Variants in RSRC2 observed in about 807,000 individuals in gnomAD.
RSRC2 encodes the protein arginine and serine rich coiled-coil 2.
A neutral mutation model predicts 61.3 loss-of-function variants in RSRC2; 5 were observed. The observed-to-expected ratio is 0.08, with a 90% CI of 0.04 to 0.17. RSRC2 has a LOEUF of 0.17. RSRC2 is among the 10% of genes least tolerant of loss of function. RSRC2 has a pLI of 1.00. For synonymous variants in RSRC2, 202 were observed against 166.5 expected, an observed-to-expected ratio of 1.21 and a Z score of -1.64; for missense variants, 381 against 518.8, an observed-to-expected ratio of 0.73 and a Z score of 2.58.
At chr12:122,522,749 A>C (rs1220858182) in intron 1 of RSRC2, 2 of 152,618 alleles carry the variant, frequency 1.3e-5, no homozygotes, top group African/African-American at 2.4e-5. Flanking sequence ...TAAAATCTTA[A>C]AACAATGCCC....
chr12:122,521,210 TAAAC>T (rs1237349359), intron 3 of RSRC2, 171 bp downstream of exon 3: 3 of 490,436 alleles, frequency 6.1e-6, no homozygotes, highest in Non-Finnish European at 1.1e-5. Flanking sequence ...ACTTTTCACA[TAAAC>T]ATCTTCTTCA....
chr12:122,517,556 A>G lies in RSRC2; in HGVS notation c.399-126T>C, dbSNP rs1959033208. The G allele has an allele frequency of 6.2e-6, 7 of 1,121,376 alleles. No homozygotes were observed. The South Asian group carries it at 1.1e-4, about 17-fold the overall frequency. The allele number at this position is 1,121,376 out of a possible 1,614,324, so 69.5% of individuals were successfully genotyped here. ...CAAGTAACTGCACTATATTATTTACAGAAATAAGCGAGATTTTCAAAGGAA... is the reference window on the plus strand; with the variant it reads ...CAAGTAACTGCACTATATTATTTACGGAAATAAGCGAGATTTTCAAAGGAA... On this transcript the variant is annotated intron_variant, in intron 4 of 9. Coordinates refer to ENST00000331738, the MANE Select transcript of RSRC2 (RefSeq NM_023012.6).
chr12:122,517,830 T>C (rs1959051041), intron 4 of RSRC2, among the ~76,000 whole-genome samples: 2 of 152,162 alleles, frequency 1.3e-5, no homozygotes, highest in South Asian at 4.1e-4. Context: ...AAATTTGAGC[T>C]GTGATCCAGT....
intron 4 of RSRC2, among the ~76,000 whole-genome samples, chr12:122,517,922 C>T (rs1345442622): frequency 6.6e-6 from 1 of 152,124 alleles, no homozygotes; most frequent in Non-Finnish European, 1.5e-5. Flanking sequence ...ACATCACCAT[C>T]GATGATGCAA....
At chr12:122,515,818 C>T (rs903416201) in intron 5 of RSRC2, among the ~76,000 whole-genome samples, 5 of 152,174 alleles carry the variant, frequency 3.3e-5, no homozygotes, top group Middle Eastern at 3.4e-3. Flanking sequence ...GGTGAAACCC[C>T]GTCTCTACAA....
intron 8 of RSRC2, 89 bp downstream of exon 8, chr12:122,508,129 C>T (rs780949850): frequency 1.6e-5 from 20 of 1,218,298 alleles, no homozygotes; most frequent in African/African-American, 1.2e-4. Flanking sequence ...AAAGTTAAGC[C>T]GAAAGTAATA....
At chr12:122,516,078 A>G (rs1733760407) in intron 5 of RSRC2, among the ~76,000 whole-genome samples, 1 of 152,230 alleles carries the variant, frequency 6.6e-6, no homozygotes, top group Non-Finnish European at 1.5e-5. Context: ...GTAAACTACT[A>G]TAAACTAGAA....
chr12:122,509,424 C>T (rs1399388476), intron 7 of RSRC2, among the ~76,000 whole-genome samples: 2 of 149,706 alleles, frequency 1.3e-5, no homozygotes. Flanking sequence ...TACTCCAGCA[C>T]AGGCGACAGT....
At chr12:122,510,355 C>A (rs986989105) in intron 7 of RSRC2, among the ~76,000 whole-genome samples, 1 of 152,072 alleles carries the variant, frequency 6.6e-6, no homozygotes, top group South Asian at 2.1e-4. Flanking sequence ...CACGGTGAAA[C>A]CCCGTCTCTA....
Position 122,522,145 on chromosome 12 carries a change from G to A in RSRC2, c.161C>T (p.Ser54Leu), listed in dbSNP as rs971979375. 1 of 1,609,950 alleles carries A rather than the reference G, an allele frequency of 6.2e-7. No individual in the cohort carries two copies. The highest frequency in any genetic ancestry group is 8.5e-7 in the Non-Finnish European group (1 of 1,178,810). Reference sequence around the variant, plus strand: ...TAACCACCTTTAAGAATTCATACCTGACTTTCGTTTTCTTTCTCTTGACCT... The same window carrying A: ...TAACCACCTTTAAGAATTCATACCTAACTTTCGTTTTCTTTCTCTTGACCT... ...RSRSRERKRK[S>L]DNEGRKHRSR... The change falls in exon 2 of 10, where the codon TCA (serine) becomes TTA (leucine). Residue 54 changes from serine (S) to leucine (L), a missense_variant and splice_region_variant. Physicochemically the swap from Ser to Leu is moderately radical, Grantham distance 145. This residue lies in a region of RSRC2 where 266 missense variants were observed against 270.5 expected (regional missense o/e 0.98). Coordinates refer to ENST00000331738, the MANE Select transcript of RSRC2 (RefSeq NM_023012.6).
At chr12:122,508,019 G>T (rs1958240490) in intron 8 of RSRC2, 199 bp downstream of exon 8, 1 of 633,044 alleles carries the variant, frequency 1.6e-6, no homozygotes, top group African/African-American at 1.8e-5. Flanking sequence ...GGCCAGGCTG[G>T]TCTTGGACTC....
rs1958007641 is a variant in RSRC2 at position 122,504,440 on chromosome 12, CAACATGGTAAAACCCCACCTCTACTA to C, written c.*1061_*1086del. On this transcript the variant is annotated 3_prime_UTR_variant, in exon 10 of 10. Transcript: ENST00000331738. ...GTCAGGAGTTCAGGACCAGCCTGGC[CAACATGGTAAAACCCCACCTCTACTA>C]AAAATACAAAAATTAGCTGGGTGCG... 2 of 152,156 alleles carry C rather than the reference CAACATGGTAAAACCCCACCTCTACTA, an allele frequency of 1.3e-5. No individual in the cohort carries two copies. 9.4% of individuals were successfully genotyped at this position (152,156 alleles called of 1,614,324 possible). A position where few individuals can be genotyped will look rare whatever the true frequency, so the allele number is the denominator to read the frequency against.
At chr12:122,514,082 G>C (rs1958725117) in intron 6 of RSRC2, among the ~76,000 whole-genome samples, 1 of 152,008 alleles carries the variant, frequency 6.6e-6, no homozygotes, top group Non-Finnish European at 1.5e-5. Context: ...AACCTAAAAA[G>C]TCTATTTTTC....
chr12:122,521,102 G>A, intron 3 of RSRC2: 1 of 328,052 alleles, frequency 3.0e-6, no homozygotes, highest in Non-Finnish European at 5.6e-6. Context: ...ATTAATGGAA[G>A]CTCTGTGTGA....
chr12:122,519,072 CAA>C (rs1959132395), intron 3 of RSRC2, 43 bp from the exon 4 acceptor site: 2 of 1,551,556 alleles, frequency 1.3e-6, no homozygotes, highest in Admixed American at 1.7e-5. Context: ...AATAGTGCAA[CAA>C]AGAGAGTTAG....
intron 8 of RSRC2, 134 bp from the exon 9 acceptor site, chr12:122,507,057 A>C: frequency 1.5e-6 from 1 of 675,964 alleles, no homozygotes. Flanking sequence ...TAATTATTTC[A>C]AGACTTAAGA....
Position 122,508,277 on chromosome 12 carries a change from T to A in RSRC2, c.976A>T (p.Met326Leu). 1.2e-6 allele frequency: 2 copies of A among 1,614,228 alleles called. No homozygotes were observed. Among genetic ancestry groups the A allele is most frequent in the Non-Finnish European group, 8.5e-7 (1 of 1,180,040 alleles). Residue 326 changes from methionine (M) to leucine (L), a missense_variant, in exon 8 of 10, where the codon ATG (methionine) becomes TTG (leucine). Coordinates refer to ENST00000331738, the MANE Select transcript of RSRC2 (RefSeq NM_023012.6). ...TTTTTCTCTTGTTCAGCAAATTTCA[T>A]TGGATTAACAGCGGCTGGGTTATAG... ...SYYNPAAVNPMKFAEQEKKRK... is the reference protein window; with the variant it reads ...SYYNPAAVNPLKFAEQEKKRK...
Position 122,525,972 on chromosome 12 carries a change from C to A in RSRC2, c.6+876G>T, listed in dbSNP as rs1312756530. ...AAGTAGCTGGGACTACAGGCGTCCG[C>A]CACTACGCCCGGCTAATTTTTTTGT... On this transcript the variant is annotated intron_variant, in intron 1 of 9. Transcript: ENST00000331738. Among the ~76,000 whole-genome samples, 9 of 53,438 alleles carry A rather than the reference C, an allele frequency of 1.7e-4. 3 individuals carry two copies. The highest frequency in any genetic ancestry group is 3.3e-5 in the Non-Finnish European group (1 of 30,328). 35.1% of individuals were successfully genotyped at this position (53,438 alleles called of 152,430 possible). A position where few individuals can be genotyped will look rare whatever the true frequency, so the allele number is the denominator to read the frequency against.
chr12:122,505,591 G>T lies in RSRC2; in HGVS notation c.1241C>A (p.Thr414Asn). 1 of 1,614,064 alleles carries T rather than the reference G, an allele frequency of 6.2e-7. No homozygotes were observed. Among genetic ancestry groups the T allele is most frequent in the Non-Finnish European group, 8.5e-7 (1 of 1,179,996 alleles). The change falls in exon 10 of 10, where the codon ACC becomes AAC. Residue 414 changes from threonine (T) to asparagine (N), a missense_variant. By Grantham distance (65) the Thr-to-Asn change is moderately conservative. This residue lies in a region of RSRC2 where 78 missense variants were observed against 183.0 expected (regional missense o/e 0.43). Transcript: ENST00000331738. ...DAQYEMARSQ[T>N]HTQRGMGLGF... ...CAAACCCATTCCTCTTTGTGTGTGG[G>T]TTTGTGATCTTGCCATTTCATACTG... is the stretch of plus-strand genomic sequence containing the variant.
Sources: gnomAD v4.1 joint callset for allele counts (sites outside exome capture counted in the v4.1 genomes callset) on GRCh38, gnomAD v4.1.1 for gene constraint, gnomAD v4.1.1 regional missense constraint, MANE v1.5 for transcripts, NCBI Gene and HGNC (gene_info 2026-07-23, HGNC 2026-07-21) for gene names.